The following ANKRD30A variants were observed in gnomAD, a reference collection of about 807,000 sequenced individuals.
ANKRD30A encodes the protein ankyrin repeat domain 30A.
In ANKRD30A, 170 loss-of-function variants were observed where a neutral mutation model predicts 166.3. The ratio of observed to expected loss-of-function variants is 1.02; its 90% confidence interval spans 0.90 to 1.16. The LOEUF (loss-of-function observed/expected upper bound fraction) is 1.16, where lower values mean the gene tolerates loss of function less well. Among genes scored for constraint, ANKRD30A ranks in the 50% most tolerant of loss-of-function variants. The pLI is 0.00. For synonymous variants in ANKRD30A, 564 were observed against 508.9 expected (o/e 1.11, Z -1.46); for missense variants, 1,630 against 1,518.0 (o/e 1.07, Z -1.23).
At chr10:37,256,590 TGAG>T in the ANKRD30A span, among the ~76,000 whole-genome samples, 1 of 152,204 alleles carries the variant, frequency 6.6e-6, no homozygotes, top group Non-Finnish European at 1.5e-5. Context: ...AAACATTTAT[TGAG>T]TACATAAAAG....
chr10:37,126,325 C>G (rs1253879255), intron 1 of ANKRD30A, among the ~76,000 whole-genome samples: 1 of 152,166 alleles, frequency 6.6e-6, no homozygotes, highest in Non-Finnish European at 1.5e-5. Flanking sequence ...ATTTAACTCA[C>G]AAAATTAAGT....
At chr10:37,158,779 A>C (rs942698738) in intron 15 of ANKRD30A, among the ~76,000 whole-genome samples, 193 bp downstream of exon 15, 1 of 152,182 alleles carries the variant, frequency 6.6e-6, no homozygotes, top group African/African-American at 2.4e-5. Flanking sequence ...ATTTAGAAAA[A>C]AAATTCTGCT....
chr10:37,260,854 G>A, the ANKRD30A span, among the ~76,000 whole-genome samples: 2 of 152,094 alleles, frequency 1.3e-5, no homozygotes, highest in African/African-American at 2.4e-5. Flanking sequence ...CATTGAGTAT[G>A]CATGTACATA....
At chr10:37,194,483 G>T (rs574187516) in intron 27 of ANKRD30A, among the ~76,000 whole-genome samples, 103 of 151,976 alleles carry the variant, frequency 6.8e-4, no homozygotes, top group African/African-American at 2.4e-3. Flanking sequence ...TGGGACTCCA[G>T]GCGCGTGCCA....
intron 31 of ANKRD30A, among the ~76,000 whole-genome samples, chr10:37,202,387 A>G (rs1296482478): frequency 1.3e-5 from 2 of 152,180 alleles, no homozygotes; most frequent in Non-Finnish European, 2.9e-5. Context: ...CAGAATGACT[A>G]CTGGGTACAT....
intron 24 of ANKRD30A, chr10:37,178,372 G>T (rs1286137302): frequency 1.9e-5 from 7 of 372,250 alleles, no homozygotes; most frequent in Admixed American, 6.4e-5. Context: ...GTATAGACCA[G>T]AGGTTTTCAA....
rs569693105 is a variant in ANKRD30A, at chr10:37,129,813, A to G, written c.222-80A>G. ...AAGGCAGAGAAAGAGCGTGGTATTT[A>G]ATGTTTACAGTTACATAACTCATTG... On this transcript the variant is annotated intron_variant, in intron 1 of 35. Transcript: ENST00000361713. 1.8e-5 allele frequency: 13 copies of G among 731,732 alleles called. No homozygotes were observed. In the East Asian group the frequency reaches 4.2e-4, roughly 24 times the overall value. The allele number at this position is 731,732 out of a possible 1,614,324, so 45.3% of individuals were successfully genotyped here. A position where few individuals can be genotyped will look rare whatever the true frequency, so the allele number is the denominator to read the frequency against.
At position 37,125,616 on chromosome 10, in the gene ANKRD30A, TCTA is replaced by T. The variant is rs1835946654; in HGVS notation, c.-169_-167del. 6.6e-6 allele frequency among the ~76,000 whole-genome samples: 1 copy of T among 152,122 alleles called. No homozygotes were observed. The highest frequency in any genetic ancestry group is 1.5e-5 in the Non-Finnish European group (1 of 68,016). Reference sequence around the variant, plus strand: ...GGCTAACGGCTCTGCTCAGCGCGATTCTACTGAGAGAGGCCTGAGTGTGCAAGA... The same window carrying T: ...GGCTAACGGCTCTGCTCAGCGCGATTCTGAGAGAGGCCTGAGTGTGCAAGA... On this transcript the variant is annotated 5_prime_UTR_variant, in exon 1 of 36. Coordinates refer to ENST00000361713, the MANE Select transcript of ANKRD30A (RefSeq NM_052997.3).
At chr10:37,142,386 A>G in intron 7 of ANKRD30A, 96 bp downstream of exon 7, 1 of 1,189,120 alleles carries the variant, frequency 8.4e-7, no homozygotes, top group Non-Finnish European at 1.2e-6. Context: ...TGACTTGAAT[A>G]TCTAAATAAG....
intron 15 of ANKRD30A, among the ~76,000 whole-genome samples, chr10:37,158,868 A>C (rs1467907092): frequency 2.0e-5 from 3 of 152,166 alleles, no homozygotes; most frequent in African/African-American, 4.8e-5. Flanking sequence ...CTTGGTTTTA[A>C]GGCAGGTGAA....
chr10:37,254,089 T>C, the ANKRD30A span, among the ~76,000 whole-genome samples: 1 of 152,236 alleles, frequency 6.6e-6, no homozygotes, highest in African/African-American at 2.4e-5. Context: ...AACATTTGGG[T>C]TCTGAACAGG....
At chr10:37,154,267 C>T (rs17590434) in intron 13 of ANKRD30A, among the ~76,000 whole-genome samples, 3 of 152,214 alleles carry the variant, frequency 2.0e-5, no homozygotes, top group East Asian at 1.9e-4. Flanking sequence ...ATATACACTC[C>T]GTATAGACCA....
chr10:37,161,565 T>C (rs1838873519), intron 15 of ANKRD30A, among the ~76,000 whole-genome samples: 1 of 152,136 alleles, frequency 6.6e-6, no homozygotes, highest in African/African-American at 2.4e-5. Context: ...AGAAGAACAG[T>C]TGAGTGAACT....
chr10:37,252,159 T>C, the ANKRD30A span, among the ~76,000 whole-genome samples: 1 of 152,208 alleles, frequency 6.6e-6, no homozygotes, highest in African/African-American at 2.4e-5. Context: ...CAGATTGTTC[T>C]TCTTGAAATT....
intron 31 of ANKRD30A, among the ~76,000 whole-genome samples, chr10:37,204,182 C>T (rs889340610): frequency 5.3e-5 from 8 of 152,280 alleles, no homozygotes; most frequent in South Asian, 4.1e-4. Flanking sequence ...AGTGCCAAGA[C>T]GATCCTAAGC....
intron 27 of ANKRD30A, 138 bp downstream of exon 27, chr10:37,193,396 G>A: frequency 3.2e-6 from 4 of 1,238,652 alleles, no homozygotes; most frequent in Non-Finnish European, 4.4e-6. Context: ...GCCAATGTGA[G>A]TATTTCTGTT....
At chr10:37,194,079 T>G (rs978436328) in intron 27 of ANKRD30A, among the ~76,000 whole-genome samples, 7 of 151,962 alleles carry the variant, frequency 4.6e-5, no homozygotes, top group Non-Finnish European at 1.0e-4. Context: ...GCCTGTCATC[T>G]CAGCTACTCT....
intron 1 of ANKRD30A, among the ~76,000 whole-genome samples, chr10:37,127,822 A>G (rs1336741269): frequency 7.7e-6 from 1 of 129,638 alleles, no homozygotes; most frequent in Non-Finnish European, 1.8e-5. Context: ...TAAGTTGCAG[A>G]TGACTTTTCA....
chr10:37,158,281 C>A, intron 13 of ANKRD30A, 111 bp from the exon 14 acceptor site: 1 of 1,444,496 alleles, frequency 6.9e-7, no homozygotes, highest in Non-Finnish European at 9.5e-7. Flanking sequence ...TAGTGTAATC[C>A]GTTTTGCAAT....
Sources: gnomAD v4.1 joint callset for allele counts (sites outside exome capture counted in the v4.1 genomes callset) on GRCh38, gnomAD v4.1.1 for gene constraint, MANE v1.5 for transcripts, NCBI Gene and HGNC (gene_info 2026-07-23, HGNC 2026-07-21) for gene names.